GMPR: variants seen among roughly 807,000 people sequenced by gnomAD.
GMPR encodes GMP reductase 1.
A neutral mutation model predicts 38.4 loss-of-function variants in GMPR; 31 were observed. That is an observed-to-expected ratio of 0.81 (90% CI 0.61 to 1.09). The LOEUF (loss-of-function observed/expected upper bound fraction) is 1.09. Among genes scored for constraint, GMPR ranks in the 50% least tolerant of loss-of-function variants. The pLI, the probability that GMPR is intolerant of heterozygous loss-of-function variation, is 0.00. For synonymous variants in GMPR, 162 were observed against 173.3 expected (o/e 0.93, Z 0.51); for missense variants, 468 against 453.7 (o/e 1.03, Z -0.29).
intron 4 of GMPR, among the ~76,000 whole-genome samples, chr6:16,269,775 TGACAAAGTGA>T (rs1651639143): frequency 6.6e-6 from 1 of 152,156 alleles, no homozygotes; most frequent in African/African-American, 2.4e-5. Context: ...CCAGCCTGGG[TGACAAAGTGA>T]GACCCTGTCT....
intron 6 of GMPR, 74 bp from the exon 7 acceptor site, chr6:16,285,719 T>C: frequency 8.1e-7 from 1 of 1,240,630 alleles, no homozygotes; most frequent in Non-Finnish European, 1.2e-6. Flanking sequence ...AGTCACTAGG[T>C]CATCTGGGGG....
At chr6:16,248,903 C>T (rs1230338183) in intron 2 of GMPR, among the ~76,000 whole-genome samples, 2 of 152,172 alleles carry the variant, frequency 1.3e-5, no homozygotes, top group Non-Finnish European at 2.9e-5. Context: ...GGAAGTCTCC[C>T]TGCTAACAGA....
Position 16,265,958 on chromosome 6 carries a change from G to A in GMPR, c.466-8457G>A, listed in dbSNP as rs571373171. ...GAGACCACGAAGCCACCCGCCGGGAGAAAGGAACAATTGTGGATGTGCAAC... is the reference window on the plus strand; with the variant it reads ...GAGACCACGAAGCCACCCGCCGGGAAAAAGGAACAATTGTGGATGTGCAAC... On this transcript the variant is annotated intron_variant, in intron 4 of 8. Coordinates refer to ENST00000259727, the MANE Select transcript of GMPR (RefSeq NM_006877.4). Among the ~76,000 whole-genome samples the A allele has an allele frequency of 2.0e-4, 31 of 152,094 alleles. 1 individual carries two copies. Among genetic ancestry groups the A allele is most frequent in the Non-Finnish European group, 4.4e-4 (30 of 68,020 alleles).
At chr6:16,273,488 C>A (rs1476056084) in intron 4 of GMPR, among the ~76,000 whole-genome samples, 1 of 152,198 alleles carries the variant, frequency 6.6e-6, no homozygotes, top group African/African-American at 2.4e-5. Flanking sequence ...ACACATCCTT[C>A]TGGTTGATAG....
chr6:16,246,682 C>T (rs940644227), intron 1 of GMPR, among the ~76,000 whole-genome samples, 160 bp from the exon 2 acceptor site: 4 of 152,188 alleles, frequency 2.6e-5, no homozygotes, highest in African/African-American at 7.2e-5. Flanking sequence ...GCGGAATTTC[C>T]GCTCTGGTGT....
intron 4 of GMPR, among the ~76,000 whole-genome samples, chr6:16,264,769 G>A (rs9367905): frequency 0.11 from 16,507 of 151,900 alleles, 1,556 homozygotes; most frequent in African/African-American, 0.25. Flanking sequence ...GTTAAGGCAG[G>A]AACAGGCCAT....
In GMPR at chr6:16,295,275, T is replaced by C; in HGVS notation, c.*89T>C. 3 of 980,516 alleles carry C rather than the reference T, an allele frequency of 3.1e-6. No individual in the cohort carries two copies. Among genetic ancestry groups the C allele is most frequent in the South Asian group, 3.9e-5 (2 of 51,424 alleles). The allele number at this position is 980,516 out of a possible 1,614,324, so 60.7% of individuals were successfully genotyped here. ...CCCAAGTCTGTTCCGTCAGAGCTTC[T>C]GGCTGCTCCTGAATGGTGGAATGCT... is the stretch of plus-strand genomic sequence containing the variant. On this transcript the variant is annotated 3_prime_UTR_variant, in exon 9 of 9. Coordinates refer to ENST00000259727, the MANE Select transcript of GMPR (RefSeq NM_006877.4).
intron 7 of GMPR, chr6:16,290,228 C>G (rs988755749): frequency 1.5e-4 from 85 of 553,462 alleles, no homozygotes; most frequent in Middle Eastern, 4.9e-4. Flanking sequence ...ATATGGGACA[C>G]TAGCCTTCAG....
intron 4 of GMPR, among the ~76,000 whole-genome samples, chr6:16,266,790 A>AT (rs947580343): frequency 1.1e-4 from 17 of 151,194 alleles, no homozygotes; most frequent in African/African-American, 4.1e-4. Flanking sequence ...CTCCGTCTCA[A>AT]AAAACAAACA....
chr6:16,272,197 A>T (rs55771175), intron 4 of GMPR, among the ~76,000 whole-genome samples: 7,508 of 152,238 alleles, frequency 0.049, 352 homozygotes, highest in East Asian at 0.14. Flanking sequence ...ACAGAGCAAG[A>T]CTCCATCTCA....
At chr6:16,260,650 AT>A (rs1759065865) in intron 4 of GMPR, among the ~76,000 whole-genome samples, 1 of 152,020 alleles carries the variant, frequency 6.6e-6, no homozygotes, top group Non-Finnish European at 1.5e-5. Context: ...TGGAAAGAAA[AT>A]GAGAGGTTCT....
At chr6:16,242,080 A>G (rs949092413) in intron 1 of GMPR, among the ~76,000 whole-genome samples, 1 of 152,134 alleles carries the variant, frequency 6.6e-6, no homozygotes, top group African/African-American at 2.4e-5. Flanking sequence ...CCCCTAAAAA[A>G]CTTATTAATA....
intron 4 of GMPR, chr6:16,263,167 C>G (rs1251237146): frequency 6.6e-6 from 1 of 151,722 alleles, no homozygotes; most frequent in Non-Finnish European, 1.5e-5. Context: ...AGATTTGGGA[C>G]GAGTTGCATT....
rs764531027 is a variant in GMPR at position 16,238,688 on chromosome 6, T to A, written c.-6T>A. On this transcript the variant is annotated 5_prime_UTR_variant, in exon 1 of 9. Transcript: ENST00000259727. ...CGCCGCCGCCGCAGCCAGGAGCCGC[T>A]GCACCATGCCCCGCATAGATGCGGA... is the stretch of plus-strand genomic sequence containing the variant. The A allele has an allele frequency of 3.4e-5, 47 of 1,383,188 alleles. No individual in the cohort carries two copies. In the East Asian group the frequency reaches 1.4e-3, roughly 43 times the overall value. The allele number at this position is 1,383,188 out of a possible 1,614,324, so 85.7% of individuals were successfully genotyped here.
intron 5 of GMPR, among the ~76,000 whole-genome samples, chr6:16,277,896 A>G (rs1427881011): frequency 6.6e-6 from 1 of 151,924 alleles, no homozygotes. Flanking sequence ...GTGGGGAGGG[A>G]GGGGAGCAGG....
At chr6:16,243,816 T>A (rs1434837623) in intron 1 of GMPR, among the ~76,000 whole-genome samples, 1 of 152,186 alleles carries the variant, frequency 6.6e-6, no homozygotes, top group Non-Finnish European at 1.5e-5. Flanking sequence ...CAAGTAACTT[T>A]GAGCTGATTC....
chr6:16,252,722 A>G (rs940192192), intron 3 of GMPR, among the ~76,000 whole-genome samples: 6 of 152,226 alleles, frequency 3.9e-5, no homozygotes, highest in South Asian at 2.1e-4. Context: ...AGTTCCATAT[A>G]GTATACTTAG....
At chr6:16,289,036 G>A (rs1759761752) in intron 7 of GMPR, among the ~76,000 whole-genome samples, 3 of 152,212 alleles carry the variant, frequency 2.0e-5, no homozygotes, top group Admixed American at 6.5e-5. Flanking sequence ...AGCCAGCAGT[G>A]GCAAACCCTT....
At chr6:16,255,594 A>G (rs1758957291) in intron 4 of GMPR, among the ~76,000 whole-genome samples, 1 of 152,166 alleles carries the variant, frequency 6.6e-6, no homozygotes, top group South Asian at 2.1e-4. Flanking sequence ...CCTAGTTAGA[A>G]TGTAGATTTG....
Sources: allele counts gnomAD v4.1 joint callset (sites outside exome capture counted in the v4.1 genomes callset), GRCh38; gene constraint gnomAD v4.1.1; transcripts MANE v1.5; gene names NCBI Gene and HGNC (gene_info 2026-07-23, HGNC 2026-07-21).